ZNF845: variants seen among roughly 807,000 people sequenced by gnomAD.
ZNF845 encodes the protein zinc finger protein 845.
In ZNF845, 59 loss-of-function variants were observed where a neutral mutation model predicts 76.1. The ratio of observed to expected loss-of-function variants is 0.78; its 90% CI spans 0.63 to 0.96. The LOEUF (loss-of-function observed/expected upper bound fraction) is 0.96, where lower values mean the gene tolerates loss of function less well. Ranked by LOEUF, ZNF845 falls within the 40% of genes least tolerant of loss-of-function variation. The pLI, the probability that ZNF845 is intolerant of heterozygous loss-of-function variation, is 0.00. For synonymous variants in ZNF845, 361 were observed against 386.9 expected, an observed-to-expected ratio of 0.93 and a Z score of 0.78; for missense variants, 1,045 against 1,172.8, an observed-to-expected ratio of 0.89 and a Z score of 1.59.
intron 3 of ZNF845, chr19:53,346,319 C>G: frequency 2.5e-6 from 1 of 404,110 alleles, no homozygotes; most frequent in Non-Finnish European, 5.0e-6. Flanking sequence ...ATGATGGAGT[C>G]TCACTCTGTC....
At chr19:53,340,249 A>G (rs1159612623) in intron 1 of ZNF845, among the ~76,000 whole-genome samples, 1 of 152,128 alleles carries the variant, frequency 6.6e-6, no homozygotes, top group Non-Finnish European at 1.5e-5. Flanking sequence ...ACAGGGTTTC[A>G]CCATGTTGGC....
At chr19:53,348,077 G>GTT (rs2085309068) in intron 3 of ZNF845, among the ~76,000 whole-genome samples, 1 of 152,140 alleles carries the variant, frequency 6.6e-6, no homozygotes, top group Admixed American at 6.5e-5. Context: ...GTTATCCCAA[G>GTT]TAACTCGGGA....
intron 1 of ZNF845, among the ~76,000 whole-genome samples, chr19:53,334,869 C>T (rs2147026265): frequency 6.6e-6 from 1 of 152,228 alleles, no homozygotes; most frequent in Non-Finnish European, 1.5e-5. Flanking sequence ...GAGATCATGC[C>T]ACTGCACTCC....
chr19:53,345,817 G>T (rs1447106590), intron 3 of ZNF845, among the ~76,000 whole-genome samples, 185 bp downstream of exon 3: 1 of 151,434 alleles, frequency 6.6e-6, no homozygotes, highest in Admixed American at 6.6e-5. Flanking sequence ...CCCAGTAGCT[G>T]GTACAGGTGC....
rs781032435 is a variant in ZNF845, at chr19:53,352,681, G to T, written c.2006G>T (p.Gly669Val). The T allele has an allele frequency of 9.3e-6, 15 of 1,613,224 alleles. No homozygotes were observed. The highest frequency in any genetic ancestry group is 1.6e-4 in the Middle Eastern group (1 of 6,074). ...AAACCTTACAGGTGTAATGAATGTG[G>T]CAAGACCTTTAGTCGGAAGTCATAC... ...GEKPYRCNEC[G>V]KTFSRKSYLT... Residue 669 changes from glycine (G) to valine (V), a missense_variant, in exon 4 of 4, where the codon GGC becomes GTC. Coordinates refer to ENST00000458035, the MANE Select transcript of ZNF845 (RefSeq NM_138374.3).
At chr19:53,338,726 A>G (rs559467861) in intron 1 of ZNF845, among the ~76,000 whole-genome samples, 14 of 148,234 alleles carry the variant, frequency 9.4e-5, no homozygotes, top group Admixed American at 2.7e-4. Flanking sequence ...ACACACGCAC[A>G]CACACACTCC....
chr19:53,348,553 AG>A (rs2085312180), intron 3 of ZNF845, among the ~76,000 whole-genome samples: 1 of 152,224 alleles, frequency 6.6e-6, no homozygotes, highest in South Asian at 2.1e-4. Context: ...CCCCATCTGC[AG>A]GAACATCCTA....
Position 53,352,375 on chromosome 19 carries a change from T to C in ZNF845, c.1700T>C (p.Ile567Thr), listed in dbSNP as rs774190745. ...GKAFRGQSAL[I>T]YHQAIHGIGK... ...GCCTTTCGTGGGCAGTCAGCACTTA[T>C]TTACCATCAAGCAATCCATGGTATA... The change falls in exon 4 of 4, where the codon ATT becomes ACT. Residue 567 changes from isoleucine (I) to threonine (T), a missense_variant. Transcript: ENST00000458035. 3.3e-5 allele frequency: 54 copies of C among 1,613,538 alleles called. No homozygotes were observed. The highest frequency in any genetic ancestry group is 4.3e-5 in the Non-Finnish European group (51 of 1,179,774).
At chr19:53,340,993 C>G (rs2085252420) in intron 1 of ZNF845, 1 of 472,674 alleles carries the variant, frequency 2.1e-6, no homozygotes, top group Non-Finnish European at 3.8e-6. Flanking sequence ...CTTCTGTGAC[C>G]CACCTCCCAT....
chr19:53,344,016 AC>A (rs1244640757), intron 2 of ZNF845, among the ~76,000 whole-genome samples: 4 of 151,068 alleles, frequency 2.6e-5, no homozygotes, highest in Non-Finnish European at 4.4e-5. Context: ...AGTCTCTGTT[AC>A]CCAGGCTGGA....
intron 1 of ZNF845, chr19:53,337,182 C>T: frequency 2.2e-6 from 1 of 454,272 alleles, no homozygotes; most frequent in East Asian, 7.0e-5. Context: ...CCCTTCCTGT[C>T]TCAGGTTGCT....
At chr19:53,349,677 AT>A (rs1164337358) in intron 3 of ZNF845, among the ~76,000 whole-genome samples, 2 of 152,100 alleles carry the variant, frequency 1.3e-5, no homozygotes, top group African/African-American at 4.8e-5. Flanking sequence ...ATTAATTTTT[AT>A]GATTTTACAT....
intron 2 of ZNF845, among the ~76,000 whole-genome samples, chr19:53,344,717 G>A (rs915412969): frequency 1.3e-5 from 2 of 150,768 alleles, no homozygotes; most frequent in African/African-American, 2.4e-5. Context: ...CACAACCTCC[G>A]CCTCCCTGCT....
chr19:53,342,170 A>G (rs915980204), intron 2 of ZNF845, among the ~76,000 whole-genome samples: 3 of 151,714 alleles, frequency 2.0e-5, no homozygotes, highest in Non-Finnish European at 4.4e-5. Flanking sequence ...GCTGAAGTGC[A>G]GTGGCATGAT....
chr19:53,339,732 C>G (rs140091637), intron 1 of ZNF845, among the ~76,000 whole-genome samples: 3 of 152,198 alleles, frequency 2.0e-5, no homozygotes, highest in African/African-American at 7.2e-5. Context: ...AGGGGACATA[C>G]TAGTATCACT....
At chr19:53,336,642 T>TC (rs1435916044) in intron 1 of ZNF845, among the ~76,000 whole-genome samples, 2 of 149,886 alleles carry the variant, frequency 1.3e-5, no homozygotes, top group Non-Finnish European at 3.0e-5. Context: ...TCTTTTTTTT[T>TC]TTTTTTTTTT....
Position 53,353,739 on chromosome 19 carries a change from C to T in ZNF845, c.*151C>T, listed in dbSNP as rs556860832. On this transcript the variant is annotated 3_prime_UTR_variant, in exon 4 of 4. Coordinates refer to ENST00000458035, the MANE Select transcript of ZNF845 (RefSeq NM_138374.3). ...CTGGCCCAACAAACTAGAAGTCACACTGGAGAGAAACCTTACAAGTGTACT... is the reference window on the plus strand; with the variant it reads ...CTGGCCCAACAAACTAGAAGTCACATTGGAGAGAAACCTTACAAGTGTACT... 80 of 1,524,722 alleles carry T rather than the reference C, an allele frequency of 5.2e-5. 1 individual carries two copies. The South Asian group carries it at 1.0e-3, about 19-fold the overall frequency. The allele number at this position is 1,524,722 out of a possible 1,614,324, so 94.4% of individuals were successfully genotyped here.
Position 53,351,239 on chromosome 19 carries a change from T to C in ZNF845, c.564T>C (p.Ile188=), listed in dbSNP as rs1356506061. The change falls in exon 4 of 4, where the codon ATT becomes ATC. Residue 188 remains isoleucine (I), a synonymous_variant. Transcript: ENST00000458035. Reference sequence around the variant, plus strand: ...TTTCTTGTAGGCCTAAAACCCACATTTCTAAGAACTATGGGAATAATTTCC... The same window carrying C: ...TTTCTTGTAGGCCTAAAACCCACATCTCTAAGAACTATGGGAATAATTTCC... ...QRISCRPKTH[I]SKNYGNNFLN... 6.2e-7 allele frequency: 1 copy of C among 1,614,206 alleles called. No individual in the cohort carries two copies. The highest frequency in any genetic ancestry group is 8.5e-7 in the Non-Finnish European group (1 of 1,180,032).
Position 53,355,441 on chromosome 19 carries a change from CG to C in ZNF845, c.*1857del, listed in dbSNP as rs1237663654. 4 of 151,396 alleles carry C rather than the reference CG, an allele frequency of 2.6e-5. No homozygotes were observed. The highest frequency in any genetic ancestry group is 2.6e-4 in the Admixed American group (4 of 15,210). 9.4% of individuals were successfully genotyped at this position (151,396 alleles called of 1,614,324 possible). ...TTTATTTTTTTTATTTTAGTAAAGACGGGGTTTCACCATGTTGGCCCAGATG... is the reference window on the plus strand; with the variant it reads ...TTTATTTTTTTTATTTTAGTAAAGACGGGTTTCACCATGTTGGCCCAGATG... On this transcript the variant is annotated 3_prime_UTR_variant, in exon 4 of 4. Coordinates refer to ENST00000458035, the MANE Select transcript of ZNF845 (RefSeq NM_138374.3).
Sources: gnomAD v4.1 joint callset for allele counts (sites outside exome capture counted in the v4.1 genomes callset) on GRCh38, gnomAD v4.1.1 for gene constraint, MANE v1.5 for transcripts, NCBI Gene and HGNC (gene_info 2026-07-23, HGNC 2026-07-21) for gene names.